Variants in GADL1 observed in about 807,000 individuals in gnomAD.
The protein encoded by GADL1 is GAD like acidic amino acid decarboxylase 1.
GADL1 carries 71 observed loss-of-function variants against 69.5 expected under a neutral mutation model. That is an observed-to-expected ratio of 1.02 (90% CI 0.84 to 1.25). GADL1 has a LOEUF of 1.25. Ranked by LOEUF, GADL1 falls within the 50% of genes most tolerant of loss-of-function variation. The pLI is 0.00. For synonymous variants in GADL1, 254 were observed against 214.4 expected, an observed-to-expected ratio of 1.18 and a Z score of -1.62; for missense variants, 737 against 631.8, an observed-to-expected ratio of 1.17 and a Z score of -1.79.
rs758624712 is a variant in GADL1 at position 30,844,248 on chromosome 3, CA to C, written c.747del (p.Glu250ArgfsTer38). On this transcript the variant is annotated frameshift_variant, in exon 8 of 15. Coordinates refer to ENST00000282538, the MANE Select transcript of GADL1 (RefSeq NM_207359.3). LOFTEE classifies it high-confidence loss of function. ...TGCCAGACTTGCTTCTCCAGTTCCT[CA>C]GGTATCATTTTACCTCTAAGGGACA... ...VETDGRGKMI[P>X]EELEKQVWQA... 6.2e-7 allele frequency: 1 copy of C among 1,612,498 alleles called. No homozygotes were observed. The highest frequency in any genetic ancestry group is 1.1e-5 in the South Asian group (1 of 90,734).
intron 14 of GADL1, among the ~76,000 whole-genome samples, chr3:30,765,754 T>C (rs1696261529): frequency 1.3e-5 from 2 of 152,326 alleles, no homozygotes; most frequent in African/African-American, 2.4e-5. Context: ...TGTGACACAT[T>C]GTCCCCACCT....
intron 12 of GADL1, chr3:30,799,920 C>A (rs1165190916): frequency 6.6e-6 from 1 of 152,306 alleles, no homozygotes; most frequent in African/African-American, 2.4e-5. Flanking sequence ...TCCTCATCTC[C>A]ATCTGAGACT....
Position 30,869,101 on chromosome 3 carries a change from T to A in GADL1, c.38-7336A>T, listed in dbSNP as rs1006352949. ...GTAAAAAACAGTCTCTGTTCTCAAG[T>A]TGTTAAAAGTCTAGAAAGCGAATAT... On this transcript the variant is annotated intron_variant, in intron 1 of 14. Coordinates refer to ENST00000282538, the MANE Select transcript of GADL1 (RefSeq NM_207359.3). Among the ~76,000 whole-genome samples, 5 of 151,678 alleles carry A rather than the reference T, an allele frequency of 3.3e-5. 1 individual carries two copies. The highest frequency in any genetic ancestry group is 1.2e-4 in the African/African-American group (5 of 41,156).
At chr3:30,729,201 G>A (rs1695416736) in intron 14 of GADL1, among the ~76,000 whole-genome samples, 1 of 152,096 alleles carries the variant, frequency 6.6e-6, no homozygotes, top group South Asian at 2.1e-4. Context: ...TCTAATTTAA[G>A]AACCACATGG....
At chr3:30,883,323 T>C (rs1055759844) in intron 1 of GADL1, among the ~76,000 whole-genome samples, 2 of 152,034 alleles carry the variant, frequency 1.3e-5, no homozygotes, top group Admixed American at 6.6e-5. Flanking sequence ...TTGATTTCTA[T>C]ATACAGTATA....
At chr3:30,882,068 G>A (rs78020785) in intron 1 of GADL1, among the ~76,000 whole-genome samples, 4,787 of 151,898 alleles carry the variant, frequency 0.032, 206 homozygotes, top group African/African-American at 0.098. Flanking sequence ...GCACAAAATA[G>A]ACTAAGACAG....
intron 12 of GADL1, among the ~76,000 whole-genome samples, chr3:30,797,351 AAAG>A (rs1350404774): frequency 2.0e-5 from 3 of 152,210 alleles, no homozygotes; most frequent in African/African-American, 4.8e-5. Flanking sequence ...CCCAGTATAG[AAAG>A]AAGAAATTGC....
intron 9 of GADL1, 78 bp downstream of exon 9, chr3:30,838,918 TC>T: frequency 2.4e-6 from 2 of 821,790 alleles, no homozygotes; most frequent in Non-Finnish European, 1.9e-6. Context: ...ACATCTAGTT[TC>T]TGAGAATAAG....
At chr3:30,846,101 G>A (rs1698050713) in intron 6 of GADL1, among the ~76,000 whole-genome samples, 1 of 151,158 alleles carries the variant, frequency 6.6e-6, no homozygotes, top group Admixed American at 6.6e-5. Context: ...TTAAACATCT[G>A]AAAGCTTCAG....
At chr3:30,851,347 T>C (rs1250177815) in intron 4 of GADL1, among the ~76,000 whole-genome samples, 3 of 152,168 alleles carry the variant, frequency 2.0e-5, no homozygotes. Context: ...ATCAGATTAC[T>C]GCCATGAGTA....
At chr3:30,760,398 CTG>C (rs537273181) in intron 14 of GADL1, among the ~76,000 whole-genome samples, 74 of 152,284 alleles carry the variant, frequency 4.9e-4, no homozygotes, top group South Asian at 1.5e-3. Flanking sequence ...TTGTATCACT[CTG>C]TGAAACTCCT....
chr3:30,880,625 G>T (rs185355247), intron 1 of GADL1, among the ~76,000 whole-genome samples: 22 of 151,940 alleles, frequency 1.4e-4, no homozygotes, highest in Non-Finnish European at 2.8e-4. Context: ...CCAGTCTCAG[G>T]TATATCCTTA....
intron 14 of GADL1, among the ~76,000 whole-genome samples, chr3:30,766,349 C>T (rs149665839): frequency 0.011 from 1,697 of 152,280 alleles, 28 homozygotes; most frequent in African/African-American, 0.039. Flanking sequence ...GTCACACAAG[C>T]TCCTGAGCTG....
rs1698831575 is a variant in GADL1 at position 30,894,569 on chromosome 3, A to T, written c.37+9T>A. 1 of 1,548,950 alleles carries T rather than the reference A, an allele frequency of 6.5e-7. No individual in the cohort carries two copies. Among genetic ancestry groups the T allele is most frequent in the Non-Finnish European group, 8.7e-7 (1 of 1,145,440 alleles). ...AAGGACAAAAACCGCAGCCGCGCTG[A>T]GTCGTTACCGTCCACAGGACACTGG... On this transcript the variant is annotated intron_variant, in intron 1 of 14. Transcript: ENST00000282538.
intron 11 of GADL1, among the ~76,000 whole-genome samples, chr3:30,807,349 G>T (rs72849826): frequency 0.11 from 16,870 of 152,096 alleles, 1,920 homozygotes; most frequent in African/African-American, 0.28. Flanking sequence ...CTTTTTAATG[G>T]AATGTATTTG....
intron 9 of GADL1, among the ~76,000 whole-genome samples, chr3:30,837,201 G>T (rs1697888552): frequency 6.6e-6 from 1 of 152,120 alleles, no homozygotes; most frequent in Admixed American, 6.6e-5. Context: ...TACTCTAGAA[G>T]ATTTCAAACA....
At chr3:30,888,988 T>C (rs1698747305) in intron 1 of GADL1, among the ~76,000 whole-genome samples, 1 of 148,152 alleles carries the variant, frequency 6.7e-6, no homozygotes, top group African/African-American at 2.5e-5. Context: ...TACTCATTCA[T>C]ACCTCTATTC....
In GADL1 at chr3:30,742,379, T is replaced by C. The variant is rs568912948; in HGVS notation, c.1393-13964A>G. Among the ~76,000 whole-genome samples, 8 of 152,102 alleles carry C rather than the reference T, an allele frequency of 5.3e-5. No homozygotes were observed. In the South Asian group the frequency reaches 1.5e-3, roughly 28 times the overall value. ...GTTATTTAATATATTTTTTTTATTA[T>C]GGTGATAAAATTATTCTGACTAAAA... On this transcript the variant is annotated intron_variant, in intron 14 of 14. Transcript: ENST00000282538.
At chr3:30,844,320 T>C (rs927846636) in intron 7 of GADL1, 56 bp from the exon 8 acceptor site, 1 of 1,555,692 alleles carries the variant, frequency 6.4e-7, no homozygotes, top group Non-Finnish European at 8.9e-7. Context: ...CAGATAATGA[T>C]ACTGCTTTAT....
Sources: allele counts gnomAD v4.1 joint callset (sites outside exome capture counted in the v4.1 genomes callset), GRCh38; gene constraint gnomAD v4.1.1; transcripts MANE v1.5; gene names NCBI Gene and HGNC (gene_info 2026-07-23, HGNC 2026-07-21).